Variants in RBFOX1 observed in about 807,000 individuals in gnomAD.
RBFOX1 encodes RNA binding fox-1 homolog 1.
In RBFOX1, 8 loss-of-function variants were observed where a neutral mutation model predicts 57.7. The ratio of observed to expected loss-of-function variants is 0.14; its 90% CI spans 0.08 to 0.25. The LOEUF (loss-of-function observed/expected upper bound fraction) is 0.25, where lower values mean the gene tolerates loss of function less well. RBFOX1 is among the 10% of genes least tolerant of loss of function. The probability of loss-of-function intolerance (pLI) is 1.00; values close to 1 mark genes in which losing one functional copy is unlikely to be tolerated. For synonymous variants in RBFOX1, 326 were observed against 222.4 expected (o/e 1.47, Z -4.15); for missense variants, 611 against 548.5 (o/e 1.11, Z -1.14).
rs71391613 is a variant in RBFOX1, at chr16:7,274,631, TTTTATTTA to T, written c.27+222553_27+222560del. Among the ~76,000 whole-genome samples, 342 of 151,524 alleles carry T rather than the reference TTTTATTTA, an allele frequency of 2.3e-3. 4 individuals carry two copies. Among genetic ancestry groups the T allele is most frequent in the Admixed American group, 0.016 (238 of 15,226 alleles). On this transcript the variant is annotated intron_variant, in intron 4 of 15. Transcript: ENST00000550418. ...TGAAGGGTTGGATGAGGTCATTAGT[TTTTATTTA>T]TTTATTTATTTATTTATTTGAGATA...
intron 1 of RBFOX1, among the ~76,000 whole-genome samples, chr16:6,288,208 G>A (rs1037362627): frequency 2.7e-5 from 4 of 147,262 alleles, no homozygotes; most frequent in East Asian, 4.2e-4. Context: ...AAATGTTTGT[G>A]GTCAACAATG....
At chr16:5,945,815 A>G (rs4786071) in intron 4 of RBFOX1, among the ~76,000 whole-genome samples, 5,354 of 152,216 alleles carry the variant, frequency 0.035, 344 homozygotes, top group East Asian at 0.23. Context: ...TGCTCAGACC[A>G]TCTGGGCATC....
At chr16:5,961,102 C>G (rs1323669764) in intron 4 of RBFOX1, among the ~76,000 whole-genome samples, 4 of 152,320 alleles carry the variant, frequency 2.6e-5, no homozygotes, top group Non-Finnish European at 5.9e-5. Flanking sequence ...TTTCTAACCT[C>G]TCACAACCCT....
intron 4 of RBFOX1, among the ~76,000 whole-genome samples, chr16:7,237,753 C>G (rs529846080): frequency 1.3e-5 from 2 of 152,322 alleles, no homozygotes; most frequent in East Asian, 3.9e-4. Context: ...AGCCTGCAAT[C>G]CCAACACTTT....
intron 2 of RBFOX1, among the ~76,000 whole-genome samples, chr16:6,649,181 G>C (rs2154081568): frequency 6.6e-6 from 1 of 152,206 alleles, no homozygotes; most frequent in East Asian, 1.9e-4. Context: ...TTTTGTATTT[G>C]TTTCATGCAG....
intron 1 of RBFOX1, among the ~76,000 whole-genome samples, chr16:6,120,599 T>G (rs1000503059): frequency 1.3e-5 from 2 of 152,186 alleles, no homozygotes; most frequent in African/African-American, 2.4e-5. Context: ...TATATGAGGA[T>G]TATATAAAGA....
chr16:6,500,530 T>A lies in RBFOX1; in HGVS notation c.-63-154073T>A, dbSNP rs187352832. 2.5e-3 allele frequency among the ~76,000 whole-genome samples: 388 copies of A among 152,312 alleles called. 1 individual carries two copies. Among genetic ancestry groups the A allele is most frequent in the Non-Finnish European group, 3.7e-3 (253 of 68,028 alleles). The stretch of plus-strand genomic sequence containing the variant: ...CTTTTGCAGAAATATGATTAAGTCA[T>A]CTCAGGAATGTTCCATAATATTCTG... On this transcript the variant is annotated intron_variant, in intron 2 of 15. Transcript: ENST00000550418.
intron 3 of RBFOX1, among the ~76,000 whole-genome samples, chr16:5,624,692 A>G (rs766052391): frequency 3.9e-5 from 6 of 152,232 alleles, no homozygotes; most frequent in South Asian, 2.1e-4. Context: ...AGCTACTGCA[A>G]TGCATATGCA....
intron 3 of RBFOX1, among the ~76,000 whole-genome samples, chr16:5,738,717 A>C (rs1196262500): frequency 6.6e-6 from 1 of 151,404 alleles, no homozygotes; most frequent in Non-Finnish European, 1.5e-5. Flanking sequence ...CAGGTTTTCC[A>C]CTGGGGCATT....
intron 4 of RBFOX1, among the ~76,000 whole-genome samples, chr16:7,074,570 G>T (rs1179717561): frequency 1.3e-5 from 2 of 149,622 alleles, no homozygotes; most frequent in Admixed American, 6.6e-5. Flanking sequence ...AAAAGCCTCA[G>T]TGATTTATGG....
At chr16:5,695,352 A>G (rs972754505) in intron 3 of RBFOX1, among the ~76,000 whole-genome samples, 3 of 152,208 alleles carry the variant, frequency 2.0e-5, no homozygotes, top group Admixed American at 6.5e-5. Flanking sequence ...AAAGTTTTCT[A>G]TGAAAGAGCC....
chr16:6,126,996 G>A (rs35299412), intron 1 of RBFOX1, among the ~76,000 whole-genome samples: 131 of 152,264 alleles, frequency 8.6e-4, no homozygotes, highest in Non-Finnish European at 1.5e-3. Context: ...TAGGATGGTC[G>A]GGGAAGGCTC....
intron 2 of RBFOX1, among the ~76,000 whole-genome samples, chr16:6,442,577 A>G (rs967339734): frequency 3.3e-5 from 5 of 151,820 alleles, no homozygotes; most frequent in African/African-American, 9.7e-5. Flanking sequence ...AAAAGAAAAA[A>G]AAAGAAACAG....
intron 3 of RBFOX1, among the ~76,000 whole-genome samples, chr16:6,696,041 C>G (rs892487710): frequency 2.0e-5 from 3 of 152,172 alleles, no homozygotes; most frequent in South Asian, 4.1e-4. Flanking sequence ...AGACGTTTAC[C>G]TTGCTTGAGG....
At chr16:7,183,867 C>T (rs758271605) in intron 4 of RBFOX1, among the ~76,000 whole-genome samples, 6 of 152,162 alleles carry the variant, frequency 3.9e-5, no homozygotes, top group Non-Finnish European at 7.3e-5. Context: ...TCTCTGCCCT[C>T]ATGGAACCAC....
downstream of RBFOX1, among the ~76,000 whole-genome samples, chr16:5,602,036 G>C (rs1567283474): frequency 6.6e-6 from 1 of 152,216 alleles, no homozygotes; most frequent in Admixed American, 6.5e-5. Flanking sequence ...CAGGCTGTGA[G>C]GATCCAGTTG....
intron 3 of RBFOX1, among the ~76,000 whole-genome samples, chr16:7,033,537 G>C (rs1182413322): frequency 1.3e-5 from 2 of 152,104 alleles, no homozygotes; most frequent in Non-Finnish European, 2.9e-5. Flanking sequence ...GAAAACAATG[G>C]TGAATGTGAA....
In RBFOX1 at chr16:7,697,139, G is replaced by T. The variant is rs536748809; in HGVS notation, c.996-11917G>T. Among the ~76,000 whole-genome samples the T allele has an allele frequency of 6.6e-5, 10 of 152,300 alleles. No homozygotes were observed. In the South Asian group the frequency reaches 8.3e-4, roughly 13 times the overall value. On this transcript the variant is annotated intron_variant, in intron 14 of 15. Transcript: ENST00000550418. Reference sequence around the variant, plus strand: ...GTGGAGACCAAACTGCCAAAGAACAGAAGAAACAGCACCGAAGGGCAATGG... The same window carrying T: ...GTGGAGACCAAACTGCCAAAGAACATAAGAAACAGCACCGAAGGGCAATGG...
intron 2 of RBFOX1, among the ~76,000 whole-genome samples, chr16:5,589,615 A>C (rs2046941292): frequency 6.6e-6 from 1 of 152,192 alleles, no homozygotes; most frequent in African/African-American, 2.4e-5. Context: ...CACTACATGA[A>C]AGTGGCTAGT....
Sources: gnomAD v4.1 joint callset for allele counts (sites outside exome capture counted in the v4.1 genomes callset) on GRCh38, gnomAD v4.1.1 for gene constraint, MANE v1.5 for transcripts, NCBI Gene and HGNC (gene_info 2026-07-23, HGNC 2026-07-21) for gene names.